Variants in TBX4 observed in about 807,000 individuals in gnomAD.
The protein encoded by TBX4 is T-box transcription factor 4.
In TBX4, 13 loss-of-function variants were observed where a neutral mutation model predicts 54.6. That is an observed-to-expected ratio of 0.24 (90% CI 0.15 to 0.38). The LOEUF is 0.38. TBX4 is among the 10% of genes least tolerant of loss of function. The pLI is 1.00. For synonymous variants in TBX4, 314 were observed against 306.7 expected (o/e 1.02, Z -0.25); for missense variants, 631 against 728.5 (o/e 0.87, Z 1.54).
chr17:61,481,271 G>A lies in TBX4; in HGVS notation c.1021+952G>A, dbSNP rs1441964749. The A allele has an allele frequency of 6.6e-6, 1 of 152,180 alleles. No homozygotes were observed. Among genetic ancestry groups the A allele is most frequent in the Non-Finnish European group, 1.5e-5 (1 of 68,036 alleles). 9.4% of individuals were successfully genotyped at this position (152,180 alleles called of 1,614,324 possible). ...GATGTGAGCATTATGTGAAATTAAA[G>A]TTTTAGTGTCCATAAAGTTTTATTG... On this transcript the variant is annotated intron_variant, in intron 8 of 8. Transcript: ENST00000644296. The surrounding 1 kb of genome is among the most constrained non-coding windows in gnomAD (Gnocchi z 4.8).
chr17:61,477,941 C>CAAAAAAAAAAAAA (rs10617980), intron 5 of TBX4, among the ~76,000 whole-genome samples: 13 of 88,606 alleles, frequency 1.5e-4, no homozygotes, highest in Admixed American at 3.8e-4. Context: ...GATTCCATCT[C>CAAAAAAAAAAAAA]AAAAAAAAAA....
intron 1 of TBX4, among the ~76,000 whole-genome samples, chr17:61,454,049 G>A (rs576432400): frequency 1.3e-5 from 2 of 152,226 alleles, no homozygotes; most frequent in Non-Finnish European, 2.9e-5. Context: ...GAATGTGCCA[G>A]GCGGCCCTGA....
chr17:61,477,941 C>CAAAAAAAAAAAAAAAA (rs10617980), intron 5 of TBX4, among the ~76,000 whole-genome samples: 5 of 88,620 alleles, frequency 5.6e-5, no homozygotes, highest in African/African-American at 8.0e-5. Context: ...GATTCCATCT[C>CAAAAAAAAAAAAAAAA]AAAAAAAAAA....
Position 61,482,924 on chromosome 17 carries a change from C to T in TBX4, c.1049C>T (p.Pro350Leu). Residue 350 changes from proline to leucine, a missense_variant, in exon 9 of 9, where the codon CCT becomes CTT. Coordinates refer to ENST00000644296, the MANE Select transcript of TBX4 (RefSeq NM_001321120.2). Reference sequence around the variant, plus strand: ...GACGGTACCCGCCACCTGGACTTACCTTGCAAGCGATCCTATCTGGAAGCC... The same window carrying T: ...GACGGTACCCGCCACCTGGACTTACTTTGCAAGCGATCCTATCTGGAAGCC... ...RADGTRHLDL[P>L]CKRSYLEAPS... is the part of the protein sequence containing the mutation. 6.2e-7 allele frequency: 1 copy of T among 1,613,880 alleles called. No individual in the cohort carries two copies.
chr17:61,483,993 G>A lies in TBX4; in HGVS notation c.*477G>A, dbSNP rs1408565218. The A allele has an allele frequency of 1.7e-5, 3 of 171,720 alleles. No individual in the cohort carries two copies. The highest frequency in any genetic ancestry group is 1.1e-4 in the Admixed American group (2 of 18,026). The allele number at this position is 171,720 out of a possible 1,614,324, so 10.6% of individuals were successfully genotyped here. A position where few individuals can be genotyped will look rare whatever the true frequency, so the allele number is the denominator to read the frequency against. ...AGAGTTCCTGGCCTTCTCTTTGCAA[G>A]GGGAGCTGAGAATCTGGTTTTGGTA... On this transcript the variant is annotated 3_prime_UTR_variant, in exon 9 of 9. Coordinates refer to ENST00000644296, the MANE Select transcript of TBX4 (RefSeq NM_001321120.2). This position sits in a 1 kb window ranked among gnomAD's most constrained non-coding sequence, Gnocchi z 6.6.
At chr17:61,456,771 G>A (rs1017376942) in intron 2 of TBX4, 95 bp downstream of exon 2, 1 of 990,632 alleles carries the variant, frequency 1.0e-6, no homozygotes. Flanking sequence ...GGCAGGACTC[G>A]CTTTCAGGAG....
At position 61,462,394 on chromosome 17, in the gene TBX4, G is replaced by T. The variant is rs778722191; in HGVS notation, c.282-3425G>T. On this transcript the variant is annotated intron_variant, in intron 3 of 8. Transcript: ENST00000644296. This position sits in a 1 kb window ranked among gnomAD's most constrained non-coding sequence, Gnocchi z 4.5. ...CTGTCTGGGGGCGCGGGAGCCCGAC[G>T]GCGCGAGGGGAACTGGGGGAGCATG... Among the ~76,000 whole-genome samples the T allele has an allele frequency of 3.5e-4, 53 of 152,176 alleles. No individual in the cohort carries two copies. The highest frequency in any genetic ancestry group is 6.5e-4 in the Non-Finnish European group (44 of 68,022).
rs150990934 is a variant in TBX4 at position 61,476,759 on chromosome 17, G to A, written c.550-1868G>A. Among the ~76,000 whole-genome samples, 3 of 152,318 alleles carry A rather than the reference G, an allele frequency of 2.0e-5. No individual in the cohort carries two copies. Among genetic ancestry groups the A allele is most frequent in the East Asian group, 1.9e-4 (1 of 5,186 alleles). ...GAGGTTTGTCACTGAGGGCTGAGGC[G>A]GGAGTGGCCAGTGCAGAAGGCAGAA... On this transcript the variant is annotated intron_variant, in intron 5 of 8. Transcript: ENST00000644296. This position sits in a 1 kb window ranked among gnomAD's most constrained non-coding sequence, Gnocchi z 6.5.
chr17:61,483,242 T>C lies in TBX4; in HGVS notation c.1367T>C (p.Leu456Pro), dbSNP rs1178496001. The change falls in exon 9 of 9, where the codon CTG (leucine) becomes CCG (proline). Residue 456 changes from leucine (L) to proline (P), a missense_variant. Coordinates refer to ENST00000644296, the MANE Select transcript of TBX4 (RefSeq NM_001321120.2). The surrounding 1 kb of genome is among the most constrained non-coding windows in gnomAD (Gnocchi z 6.6). ...HFTATTMMPR[L>P]PTLSAQSSQP... Reference sequence around the variant, plus strand: ...ACCGCCACCACCATGATGCCGCGGCTGCCCACCCTCTCCGCTCAGAGCTCC... The same window carrying C: ...ACCGCCACCACCATGATGCCGCGGCCGCCCACCCTCTCCGCTCAGAGCTCC... 2 of 1,614,050 alleles carry C rather than the reference T, an allele frequency of 1.2e-6. No homozygotes were observed. Among genetic ancestry groups the C allele is most frequent in the Non-Finnish European group, 1.7e-6 (2 of 1,180,040 alleles).
In TBX4 at chr17:61,484,743, TATAA is replaced by T. The variant is rs3033496; in HGVS notation, c.*1239_*1242del. The T allele has an allele frequency of 6.8e-6, 1 of 147,678 alleles. No individual in the cohort carries two copies. Among genetic ancestry groups the T allele is most frequent in the Non-Finnish European group, 1.5e-5 (1 of 67,084 alleles). 9.1% of individuals were successfully genotyped at this position (147,678 alleles called of 1,614,324 possible). A position where few individuals can be genotyped will look rare whatever the true frequency, so the allele number is the denominator to read the frequency against. ...ATGCTGAATAGCTATTTATATATTA[TATAA>T]ATAAATAAATATATATATTATATAT... On this transcript the variant is annotated 3_prime_UTR_variant, in exon 9 of 9. Coordinates refer to ENST00000644296, the MANE Select transcript of TBX4 (RefSeq NM_001321120.2). This position sits in a 1 kb window ranked among gnomAD's most constrained non-coding sequence, Gnocchi z 4.1.
rs749064058 is a variant in TBX4, at chr17:61,459,420, A to G, written c.281+1789A>G. On this transcript the variant is annotated intron_variant, in intron 3 of 8. Transcript: ENST00000644296. The surrounding 1 kb of genome is among the most constrained non-coding windows in gnomAD (Gnocchi z 4.8). ...ATTTCTTGTGCCTGCTAGTGTGGAA[A>G]GAAGGTAAGAAAGAGAAAGGTTCAG... 9.2e-5 allele frequency among the ~76,000 whole-genome samples: 14 copies of G among 152,264 alleles called. No homozygotes were observed. Among genetic ancestry groups the G allele is most frequent in the Non-Finnish European group, 1.8e-4 (12 of 68,046 alleles).
intron 1 of TBX4, 95 bp from the exon 2 acceptor site, chr17:61,456,390 GCGC>G (rs1209364489): frequency 2.0e-6 from 3 of 1,497,646 alleles, no homozygotes; most frequent in Non-Finnish European, 2.7e-6. Flanking sequence ...GGCTGCCTCC[GCGC>G]CCCGCACGAA....
chr17:61,457,498 G>C lies in TBX4; in HGVS notation c.187-39G>C, dbSNP rs758033159. 1 of 1,593,266 alleles carries C rather than the reference G, an allele frequency of 6.3e-7. No individual in the cohort carries two copies. Among genetic ancestry groups the C allele is most frequent in the South Asian group, 1.1e-5 (1 of 90,642 alleles). On this transcript the variant is annotated intron_variant, in intron 2 of 8. Transcript: ENST00000644296. The surrounding 1 kb of genome is among the most constrained non-coding windows in gnomAD (Gnocchi z 8.2). ...TCCTCAGGCTCCGCGTGGAGCCCTG[G>C]GCCTGGCAGACACAAGTTTCTCTCC... is the stretch of plus-strand genomic sequence containing the variant.
In TBX4 at chr17:61,475,769, A is replaced by G. The variant is rs373016618; in HGVS notation, c.550-2858A>G. On this transcript the variant is annotated intron_variant, in intron 5 of 8. Transcript: ENST00000644296. This position sits in a 1 kb window ranked among gnomAD's most constrained non-coding sequence, Gnocchi z 5.0. ...CAGCCTTCATGAGGTGCTGGTGCCTATGGCTCTGTCCTGGGTTCTCTCAGC... is the reference window on the plus strand; with the variant it reads ...CAGCCTTCATGAGGTGCTGGTGCCTGTGGCTCTGTCCTGGGTTCTCTCAGC... Among the ~76,000 whole-genome samples the G allele has an allele frequency of 1.3e-5, 2 of 152,058 alleles. No homozygotes were observed. The highest frequency in any genetic ancestry group is 1.5e-5 in the Non-Finnish European group (1 of 68,000).
rs1214754005 is a variant in TBX4 at position 61,472,838 on chromosome 17, T to C, written c.549+5181T>C. Reference sequence around the variant, plus strand: ...TATCCAGTTGTCCCAGCATCACTAATTGAGTTGTCCCCTTTCCTCCCCTGG... The same window carrying C: ...TATCCAGTTGTCCCAGCATCACTAACTGAGTTGTCCCCTTTCCTCCCCTGG... On this transcript the variant is annotated intron_variant, in intron 5 of 8. Transcript: ENST00000644296. This position sits in a 1 kb window ranked among gnomAD's most constrained non-coding sequence, Gnocchi z 4.5. 1.3e-5 allele frequency among the ~76,000 whole-genome samples: 2 copies of C among 151,828 alleles called. No individual in the cohort carries two copies. Among genetic ancestry groups the C allele is most frequent in the Admixed American group, 6.6e-5 (1 of 15,244 alleles).
At position 61,483,830 on chromosome 17, in the gene TBX4, T is replaced by C; in HGVS notation, c.*314T>C. Reference sequence around the variant, plus strand: ...GGGTGGGATGGGAGTGGAGGGTTCATATGAGTTATTGAGAGGGTTTTATAA... The same window carrying C: ...GGGTGGGATGGGAGTGGAGGGTTCACATGAGTTATTGAGAGGGTTTTATAA... On this transcript the variant is annotated 3_prime_UTR_variant, in exon 9 of 9. Coordinates refer to ENST00000644296, the MANE Select transcript of TBX4 (RefSeq NM_001321120.2). This position sits in a 1 kb window ranked among gnomAD's most constrained non-coding sequence, Gnocchi z 6.6. 1 of 391,050 alleles carries C rather than the reference T, an allele frequency of 2.6e-6. No homozygotes were observed. Among genetic ancestry groups the C allele is most frequent in the South Asian group, 2.3e-5 (1 of 43,434 alleles). 24.2% of individuals were successfully genotyped at this position (391,050 alleles called of 1,614,324 possible).
Position 61,467,701 on chromosome 17 carries a change from A to T in TBX4, c.549+44A>T, listed in dbSNP as rs765688416. ...TGGCCCCAGGAGGCAAGTCTGGGGC[A>T]GTTTTAGGGGTGGGACAGGCCAGGA... On this transcript the variant is annotated intron_variant, in intron 5 of 8. Transcript: ENST00000644296. The T allele has an allele frequency of 3.7e-6, 6 of 1,613,196 alleles. No homozygotes were observed. The South Asian group carries it at 6.6e-5, about 18-fold the overall frequency.
chr17:61,475,067 C>G lies in TBX4; in HGVS notation c.550-3560C>G, dbSNP rs2060610309. On this transcript the variant is annotated intron_variant, in intron 5 of 8. Transcript: ENST00000644296. The surrounding 1 kb of genome is among the most constrained non-coding windows in gnomAD (Gnocchi z 5.0). The stretch of plus-strand genomic sequence containing the variant: ...AGATCATGACGGCGTCTGCACCCTT[C>G]TTGACTTCTCTATGACCGGGGTTAC... Among the ~76,000 whole-genome samples, 1 of 152,244 alleles carries G rather than the reference C, an allele frequency of 6.6e-6. No individual in the cohort carries two copies.
chr17:61,469,964 TC>T (rs1355586015), intron 5 of TBX4, among the ~76,000 whole-genome samples: 3 of 152,194 alleles, frequency 2.0e-5, no homozygotes, highest in African/African-American at 7.2e-5. Context: ...CTTCCAGGCC[TC>T]AAGGGACTTT....
Sources: allele counts gnomAD v4.1 joint callset (sites outside exome capture counted in the v4.1 genomes callset), GRCh38; gene constraint gnomAD v4.1.1; non-coding constraint Gnocchi (gnomAD v3.1); transcripts MANE v1.5; gene names NCBI Gene and HGNC (gene_info 2026-07-23, HGNC 2026-07-21).